Variants in DLC1 observed in about 807,000 individuals in gnomAD.
DLC1 encodes DLC1 Rho GTPase activating protein, also known as rho GTPase-activating protein 7.
In DLC1, 54 loss-of-function variants were observed where a neutral mutation model predicts 140.3. The ratio of observed to expected loss-of-function variants is 0.38; its 90% CI spans 0.31 to 0.48. The LOEUF is 0.48. Ranked by LOEUF, DLC1 falls within the 20% of genes least tolerant of loss-of-function variation. DLC1 has a pLI of 0.96. For missense variants in DLC1, 2,536 were observed against 1,907.0 expected (o/e 1.33, Z -6.14); for synonymous variants, 986 against 728.1 (o/e 1.35, Z -5.70).
intron 1 of DLC1, among the ~76,000 whole-genome samples, chr8:13,527,076 A>G (rs534086615): frequency 2.0e-5 from 3 of 152,324 alleles, no homozygotes; most frequent in South Asian, 2.1e-4. Context: ...ATAGGTGATC[A>G]TATTGTACGT....
intron 5 of DLC1, among the ~76,000 whole-genome samples, chr8:13,288,790 G>A (rs898502387): frequency 3.3e-5 from 5 of 152,204 alleles, no homozygotes; most frequent in Non-Finnish European, 5.9e-5. Context: ...GAAAGAAGAA[G>A]TAAGAAGTGG....
intron 5 of DLC1, among the ~76,000 whole-genome samples, chr8:13,188,419 C>CAAAAAAAAAAAAAAAAAAAAAAAAA: frequency 1.7e-5 from 1 of 58,984 alleles, no homozygotes; most frequent in Non-Finnish European, 2.9e-5. Flanking sequence ...GACTCCGTCT[C>CAAAAAAAAAAAAAAAAAAAAAAAAA]AAAAAAAAAA....
intron 4 of DLC1, among the ~76,000 whole-genome samples, chr8:13,357,954 A>G (rs1160003279): frequency 2.6e-5 from 4 of 152,224 alleles, no homozygotes; most frequent in Non-Finnish European, 5.9e-5. Flanking sequence ...AAATGCCTGT[A>G]TATATGTATA....
chr8:13,235,282 C>T (rs549663371), intron 5 of DLC1, among the ~76,000 whole-genome samples: 3 of 152,004 alleles, frequency 2.0e-5, no homozygotes, highest in Non-Finnish European at 4.4e-5. Context: ...CCAGTGACAA[C>T]AGTGGTCTTT....
At chr8:13,137,628 T>C (rs993309750) in intron 5 of DLC1, among the ~76,000 whole-genome samples, 3 of 141,346 alleles carry the variant, frequency 2.1e-5, no homozygotes, top group African/African-American at 8.0e-5. Context: ...TGAGATGGAG[T>C]TTCACTCTTG....
chr8:13,134,576 A>G (rs1413608734), intron 5 of DLC1, among the ~76,000 whole-genome samples: 1 of 152,208 alleles, frequency 6.6e-6, no homozygotes, highest in Non-Finnish European at 1.5e-5. Context: ...TAGTCTCTTA[A>G]TTATAGTTTA....
chr8:13,345,709 C>T lies in DLC1; in HGVS notation c.1315-40407G>A, dbSNP rs547623988. 3.9e-5 allele frequency among the ~76,000 whole-genome samples: 6 copies of T among 151,948 alleles called. 1 individual carries two copies. The highest frequency in any genetic ancestry group is 1.4e-4 in the African/African-American group (6 of 41,434). Reference sequence around the variant, plus strand: ...AGTAGCTGGGATTACAGGCACCTGCCACCACGCCTGGCTCATTTTTTATGT... The same window carrying T: ...AGTAGCTGGGATTACAGGCACCTGCTACCACGCCTGGCTCATTTTTTATGT... On this transcript the variant is annotated intron_variant, in intron 4 of 17. Transcript: ENST00000276297.
chr8:13,486,479 A>G (rs1300800487), intron 2 of DLC1, among the ~76,000 whole-genome samples: 2 of 152,066 alleles, frequency 1.3e-5, no homozygotes, highest in African/African-American at 4.8e-5. Context: ...TTACTTTTAA[A>G]TTATAGAGTT....
intron 5 of DLC1, among the ~76,000 whole-genome samples, chr8:13,205,362 G>C (rs1037724146): frequency 6.6e-6 from 1 of 152,162 alleles, no homozygotes; most frequent in East Asian, 1.9e-4. Flanking sequence ...TTTAACTTAA[G>C]TGGATTAATG....
In DLC1 at chr8:13,499,999, C is replaced by T. The variant is rs1482990631; in HGVS notation, c.73G>A (p.Asp25Asn). Residue 25 changes from aspartate (D) to asparagine (N), a missense_variant, in exon 2 of 18, where the codon GAT becomes AAT. Coordinates refer to ENST00000276297, the MANE Select transcript of DLC1 (RefSeq NM_182643.3). ...THWMGQPFNSDDRNTACHHGL... is the reference protein window; with the variant it reads ...THWMGQPFNSNDRNTACHHGL... ...TGATGACATGCTGTGTTACGATCAT[C>T]AGAATTAAAAGGCTGTCCCATCCAG... 1.2e-6 allele frequency: 2 copies of T among 1,614,126 alleles called. No individual in the cohort carries two copies. Among genetic ancestry groups the T allele is most frequent in the Non-Finnish European group, 1.7e-6 (2 of 1,179,994 alleles).
intron 4 of DLC1, among the ~76,000 whole-genome samples, chr8:13,333,827 G>C (rs1833701467): frequency 6.6e-6 from 1 of 152,060 alleles, no homozygotes; most frequent in South Asian, 2.1e-4. Context: ...CTTCACAATA[G>C]AGTAGACAGC....
At chr8:13,469,408 C>T (rs7008646) in intron 2 of DLC1, among the ~76,000 whole-genome samples, 1 of 151,898 alleles carries the variant, frequency 6.6e-6, no homozygotes, top group Admixed American at 6.6e-5. Context: ...AGCTCTGAGT[C>T]ATAGCTGTAA....
chr8:13,240,013 C>G (rs968522749), intron 5 of DLC1, among the ~76,000 whole-genome samples: 1 of 152,138 alleles, frequency 6.6e-6, no homozygotes, highest in Non-Finnish European at 1.5e-5. Context: ...ACAGTGCTCT[C>G]TAAACATAAA....
intron 5 of DLC1, among the ~76,000 whole-genome samples, chr8:13,137,962 C>T (rs1299123870): frequency 2.0e-5 from 3 of 152,122 alleles, no homozygotes; most frequent in Non-Finnish European, 2.9e-5. Context: ...GATGTTTTCC[C>T]ATTCAACTGT....
At chr8:13,547,413 G>T (rs12541039) in intron 1 of DLC1, among the ~76,000 whole-genome samples, 65,045 of 151,696 alleles carry the variant, frequency 0.43, 14,348 homozygotes, top group African/African-American at 0.47. Flanking sequence ...TTTAATACAT[G>T]TATTAAAGAA....
At position 13,175,919 on chromosome 8, in the gene DLC1, A is replaced by G. The variant is rs186996379; in HGVS notation, c.1349-60262T>C. 2.6e-3 allele frequency among the ~76,000 whole-genome samples: 397 copies of G among 152,156 alleles called. 3 individuals carry two copies. The highest frequency in any genetic ancestry group is 3.4e-3 in the Middle Eastern group (1 of 294). ...CCCTGCAAACACTTATCTGTTCTTC[A>G]TTTCTATAATTTTTTCATTTACAGA... On this transcript the variant is annotated intron_variant, in intron 5 of 17. Transcript: ENST00000276297.
intron 1 of DLC1, among the ~76,000 whole-genome samples, chr8:13,579,436 C>T (rs56300423): frequency 0.57 from 7,413 of 13,034 alleles, 3,261 homozygotes; most frequent in Non-Finnish European, 0.65. Flanking sequence ...ATATTTAATA[C>T]ATTATATTTT....
intron 1 of DLC1, among the ~76,000 whole-genome samples, chr8:13,503,248 G>A (rs1801901784): frequency 6.6e-6 from 1 of 151,968 alleles, no homozygotes; most frequent in East Asian, 1.9e-4. Context: ...TACAAAAAAT[G>A]CAAAAATTAG....
At chr8:13,365,312 A>C (rs187399125) in intron 4 of DLC1, among the ~76,000 whole-genome samples, 26 of 152,290 alleles carry the variant, frequency 1.7e-4, no homozygotes, top group African/African-American at 6.0e-4. Context: ...CACAGGGCTT[A>C]CTATTATCTA....
Sources: allele counts gnomAD v4.1 joint callset (sites outside exome capture counted in the v4.1 genomes callset), GRCh38; gene constraint gnomAD v4.1.1; transcripts MANE v1.5; gene names NCBI Gene and HGNC (gene_info 2026-07-23, HGNC 2026-07-21).